The following NKAIN3 variants were observed in gnomAD, a reference collection of about 807,000 sequenced individuals.
NKAIN3 encodes the protein sodium/potassium transporting ATPase interacting 3, also known as sodium/potassium-transporting ATPase subunit beta-1-interacting protein 3.
In NKAIN3, 25 loss-of-function variants were observed where a neutral mutation model predicts 30.2. That is an observed-to-expected ratio of 0.83 (90% confidence interval 0.60 to 1.16). The LOEUF is 1.16. Among genes scored for constraint, NKAIN3 ranks in the 50% most tolerant of loss-of-function variants. The probability of loss-of-function intolerance (pLI) is 0.00; values close to 1 mark genes in which losing one functional copy is unlikely to be tolerated. For synonymous variants in NKAIN3, 91 were observed against 89.6 expected (o/e 1.02, Z -0.09); for missense variants, 225 against 254.1 (o/e 0.89, Z 0.78).
intron 1 of NKAIN3, among the ~76,000 whole-genome samples, chr8:62,528,332 TA>T (rs1268220610): frequency 7.0e-5 from 2 of 28,432 alleles, no homozygotes; most frequent in African/African-American, 3.0e-4. Context: ...ATAATATATA[TA>T]TTATATAATA....
At chr8:62,862,523 A>G (rs1273534434) in intron 4 of NKAIN3, among the ~76,000 whole-genome samples, 2 of 152,164 alleles carry the variant, frequency 1.3e-5, no homozygotes, top group African/African-American at 4.8e-5. Flanking sequence ...ATTTTCAGGG[A>G]CAAAAAAAGG....
chr8:62,699,916 T>C (rs1386155966), intron 3 of NKAIN3, among the ~76,000 whole-genome samples: 1 of 152,176 alleles, frequency 6.6e-6, no homozygotes, highest in South Asian at 2.1e-4. Context: ...GGAGGATCAC[T>C]TGAGTTCAAG....
At chr8:62,512,557 A>G (rs1010040461) in intron 1 of NKAIN3, among the ~76,000 whole-genome samples, 7 of 152,022 alleles carry the variant, frequency 4.6e-5, no homozygotes, top group African/African-American at 9.7e-5. Flanking sequence ...TGTTTTTTCA[A>G]TTCTCCCAGC....
At chr8:62,805,495 C>T (rs1818244572) in intron 4 of NKAIN3, among the ~76,000 whole-genome samples, 1 of 152,110 alleles carries the variant, frequency 6.6e-6, no homozygotes, top group Non-Finnish European at 1.5e-5. Context: ...GGAAATAATG[C>T]CACATATCTA....
intron 1 of NKAIN3, among the ~76,000 whole-genome samples, chr8:62,552,115 C>T (rs1423776917): frequency 1.3e-5 from 2 of 152,158 alleles, no homozygotes; most frequent in Non-Finnish European, 2.9e-5. Flanking sequence ...TGAAAGTTGA[C>T]AGTGAAGACC....
At chr8:62,572,802 T>A (rs940336320) in intron 1 of NKAIN3, among the ~76,000 whole-genome samples, 48 of 152,230 alleles carry the variant, frequency 3.2e-4, no homozygotes, top group Admixed American at 1.3e-4. Context: ...GATTCAATCA[T>A]CTCCCACTAG....
chr8:62,581,820 A>ACC, intron 2 of NKAIN3, among the ~76,000 whole-genome samples: 1 of 34,910 alleles, frequency 2.9e-5, no homozygotes, highest in Non-Finnish European at 5.8e-5. Context: ...TTCCTTCTTT[A>ACC]CTTCCTTCCC....
chr8:62,732,151 C>T (rs1815488626), intron 3 of NKAIN3, among the ~76,000 whole-genome samples: 1 of 151,894 alleles, frequency 6.6e-6, no homozygotes, highest in South Asian at 2.1e-4. Flanking sequence ...ACTTATGACC[C>T]AAAAGTCGTA....
In NKAIN3 at chr8:62,579,664, A is replaced by G; in HGVS notation, c.180A>G (p.Arg60=). ...GLFGTIQYRP[R]YIMVYTVWTA... is the part of the protein sequence containing the mutation. ...TTGGGACCATTCAGTACAGACCTCGATACATAATGGTGGTAAGTCTTATTT... is the reference window on the plus strand; with the variant it reads ...TTGGGACCATTCAGTACAGACCTCGGTACATAATGGTGGTAAGTCTTATTT... Residue 60 remains arginine (R), a synonymous_variant, in exon 2 of 7, where the codon CGA becomes CGG. Transcript: ENST00000623646. 6.6e-7 allele frequency: 1 copy of G among 1,508,634 alleles called. No individual in the cohort carries two copies. The highest frequency in any genetic ancestry group is 8.9e-7 in the Non-Finnish European group (1 of 1,125,424). The allele number at this position is 1,508,634 out of a possible 1,614,324, so 93.5% of individuals were successfully genotyped here. A position where few individuals can be genotyped will look rare whatever the true frequency, so the allele number is the denominator to read the frequency against.
At chr8:62,615,909 A>G (rs559227814) in intron 3 of NKAIN3, among the ~76,000 whole-genome samples, 27 of 152,176 alleles carry the variant, frequency 1.8e-4, no homozygotes, top group African/African-American at 5.8e-4. Flanking sequence ...TCTTTCAGCA[A>G]TATTAAGTTG....
At chr8:62,665,759 G>T (rs532458889) in intron 3 of NKAIN3, among the ~76,000 whole-genome samples, 1 of 152,142 alleles carries the variant, frequency 6.6e-6, no homozygotes, top group Non-Finnish European at 1.5e-5. Flanking sequence ...GTGATGCAGG[G>T]TCAGGGCTCA....
intron 4 of NKAIN3, among the ~76,000 whole-genome samples, chr8:62,908,742 T>C (rs187061150): frequency 6.6e-6 from 1 of 152,328 alleles, no homozygotes; most frequent in African/African-American, 2.4e-5. Flanking sequence ...GAGCTGTGAG[T>C]CCATTAAACC....
chr8:62,632,886 A>T (rs1012969528), intron 3 of NKAIN3, among the ~76,000 whole-genome samples: 4 of 152,158 alleles, frequency 2.6e-5, no homozygotes, highest in Non-Finnish European at 4.4e-5. Context: ...TAAATTTAAT[A>T]AAAATATGCC....
At chr8:62,917,776 G>A (rs547737761) in intron 4 of NKAIN3, among the ~76,000 whole-genome samples, 1 of 152,294 alleles carries the variant, frequency 6.6e-6, no homozygotes, top group East Asian at 1.9e-4. Context: ...TCTAGGAACT[G>A]CAGTGTCTTT....
intron 5 of NKAIN3, among the ~76,000 whole-genome samples, chr8:62,942,177 T>TATATATATATACACATATATATACACAC (rs1822978058): frequency 6.9e-6 from 1 of 144,024 alleles, no homozygotes; most frequent in African/African-American, 2.7e-5. Flanking sequence ...GCAATATATA[T>TATATATATATACACATATATATACACAC]ATATATATAC....
intron 4 of NKAIN3, among the ~76,000 whole-genome samples, chr8:62,891,928 G>A (rs1350276246): frequency 1.3e-5 from 2 of 152,072 alleles, no homozygotes; most frequent in African/African-American, 2.4e-5. Flanking sequence ...AGGGATGTCA[G>A]GAAAGACCCT....
chr8:62,823,665 A>G (rs1818925382), intron 4 of NKAIN3, among the ~76,000 whole-genome samples: 1 of 152,168 alleles, frequency 6.6e-6, no homozygotes, highest in Non-Finnish European at 1.5e-5. Flanking sequence ...ACTTTCTGTT[A>G]TGCAGCTCAA....
chr8:62,327,202 T>C (rs1409267157), intron 1 of NKAIN3, among the ~76,000 whole-genome samples: 2 of 152,032 alleles, frequency 1.3e-5, no homozygotes, highest in Non-Finnish European at 2.9e-5. Flanking sequence ...GTTCTCTACA[T>C]ATTTTGGGTA....
intron 1 of NKAIN3, among the ~76,000 whole-genome samples, chr8:62,561,067 G>A (rs1563457854): frequency 1.3e-5 from 2 of 152,026 alleles, no homozygotes; most frequent in Non-Finnish European, 2.9e-5. Flanking sequence ...TTTCTCTCTT[G>A]CTAGGCTGCC....
Sources: allele counts gnomAD v4.1 joint callset (sites outside exome capture counted in the v4.1 genomes callset), GRCh38; gene constraint gnomAD v4.1.1; transcripts MANE v1.5; gene names NCBI Gene and HGNC (gene_info 2026-07-23, HGNC 2026-07-21).